Variants in LRBA observed in about 807,000 individuals in gnomAD.
The protein encoded by LRBA is lipopolysaccharide-responsive and beige-like anchor protein.
Under a neutral mutation model 330.0 loss-of-function variants are expected in LRBA, and 176 were observed. That is an observed-to-expected ratio of 0.53 (90% CI 0.47 to 0.60). The LOEUF is 0.60. LRBA is among the 20% of genes least tolerant of loss of function. LRBA has a pLI of 0.00. For missense variants in LRBA, 3,259 were observed against 3,444.8 expected, an observed-to-expected ratio of 0.95 and a Z score of 1.35; for synonymous variants, 1,230 against 1,193.0, an observed-to-expected ratio of 1.03 and a Z score of -0.64.
At chr4:150,684,114 T>C (rs559028821) in intron 36 of LRBA, among the ~76,000 whole-genome samples, 38 of 152,302 alleles carry the variant, frequency 2.5e-4, no homozygotes, top group African/African-American at 8.4e-4. Context: ...ATTTGTATTA[T>C]GGTAAGGAGT....
chr4:150,522,406 C>A (rs1309497283), intron 40 of LRBA, among the ~76,000 whole-genome samples: 1 of 152,084 alleles, frequency 6.6e-6, no homozygotes, highest in Non-Finnish European at 1.5e-5. Context: ...GGTAATGTGA[C>A]AATATTAGTA....
chr4:150,962,820 G>A (rs923746080), intron 2 of LRBA, among the ~76,000 whole-genome samples: 3 of 147,706 alleles, frequency 2.0e-5, no homozygotes, highest in Non-Finnish European at 4.4e-5. Context: ...CGGGCGTGGT[G>A]GCATGTGCCT....
At chr4:150,880,513 C>A (rs1192659115) in intron 17 of LRBA, among the ~76,000 whole-genome samples, 1 of 121,836 alleles carries the variant, frequency 8.2e-6, no homozygotes, top group Non-Finnish European at 1.9e-5. Flanking sequence ...GAGCAATACC[C>A]TGTCTCCAAA....
intron 37 of LRBA, among the ~76,000 whole-genome samples, chr4:150,646,181 A>G (rs938334157): frequency 5.2e-4 from 79 of 151,950 alleles, no homozygotes; most frequent in African/African-American, 1.9e-3. Context: ...TTCTGGCTAT[A>G]TTTTTATGGT....
intron 22 of LRBA, among the ~76,000 whole-genome samples, chr4:150,867,265 A>G (rs1752836193): frequency 6.6e-6 from 1 of 152,074 alleles, no homozygotes; most frequent in Admixed American, 6.6e-5. Context: ...ATAGTGCGCC[A>G]CCTTGTGTTC....
intron 36 of LRBA, among the ~76,000 whole-genome samples, chr4:150,731,069 T>C (rs548143606): frequency 6.6e-6 from 1 of 152,076 alleles, no homozygotes; most frequent in South Asian, 2.1e-4. Context: ...ATCACAGAAA[T>C]GCAAATCAAA....
chr4:150,382,209 T>C (rs1278839614), intron 47 of LRBA, among the ~76,000 whole-genome samples: 1 of 152,246 alleles, frequency 6.6e-6, no homozygotes, highest in Non-Finnish European at 1.5e-5. Context: ...TCACTACTTT[T>C]ATTTTTTACA....
At chr4:150,420,349 A>ACATTATAGTATAAAGTATATATAATG (rs1390765721) in intron 46 of LRBA, among the ~76,000 whole-genome samples, 2,103 of 59,942 alleles carry the variant, frequency 0.035, 133 homozygotes, top group African/African-American at 0.075. Context: ...TATATATAAT[A>ACATTATAGTATAAAGTATATATAATG]CACATTATAG....
intron 40 of LRBA, among the ~76,000 whole-genome samples, chr4:150,559,918 A>G (rs1432060871): frequency 1.4e-5 from 1 of 73,414 alleles, no homozygotes; most frequent in Non-Finnish European, 2.6e-5. Flanking sequence ...TATATAATAT[A>G]TAAATATAAA....
intron 39 of LRBA, 22 bp downstream of exon 39, chr4:150,590,691 T>C (rs375670175): frequency 1.2e-6 from 2 of 1,610,308 alleles, no homozygotes; most frequent in African/African-American, 1.3e-5. Flanking sequence ...AGCTGAAATA[T>C]CTGCACAACC....
Position 150,980,765 on chromosome 4 carries a change from G to C in LRBA, c.216+33662C>G, listed in dbSNP as rs551671390. Among the ~76,000 whole-genome samples the C allele has an allele frequency of 2.7e-4, 41 of 152,268 alleles. 2 individuals are homozygous for C. In the South Asian group the frequency reaches 8.1e-3, roughly 30 times the overall value. ...TAGAGAGTCCACCAAAAAACTATTA[G>C]AAGTGATTAATTCAGTAAAGTTGTA... On this transcript the variant is annotated intron_variant, in intron 2 of 56. Coordinates refer to ENST00000651943, the MANE Select transcript of LRBA (RefSeq NM_001364905.1).
intron 47 of LRBA, among the ~76,000 whole-genome samples, chr4:150,409,995 C>T (rs1373373691): frequency 6.6e-6 from 1 of 152,092 alleles, no homozygotes; most frequent in Admixed American, 6.6e-5. Context: ...CGGCTGTTTA[C>T]ATTCTTGGCC....
chr4:150,515,859 C>A (rs1165439511), intron 40 of LRBA, among the ~76,000 whole-genome samples: 1 of 151,758 alleles, frequency 6.6e-6, no homozygotes, highest in Non-Finnish European at 1.5e-5. Flanking sequence ...ACAAGAAAGG[C>A]AGAGAGGGAC....
At chr4:151,006,320 C>T (rs765692162) in intron 2 of LRBA, among the ~76,000 whole-genome samples, 7 of 151,616 alleles carry the variant, frequency 4.6e-5, no homozygotes, top group Non-Finnish European at 4.4e-5. Context: ...AGGGAGACTC[C>T]GTCTCAAAAA....
intron 39 of LRBA, among the ~76,000 whole-genome samples, chr4:150,588,612 G>C (rs930483174): frequency 2.6e-5 from 4 of 152,178 alleles, no homozygotes; most frequent in African/African-American, 9.7e-5. Context: ...TATGGTAGAG[G>C]CATGGCTACA....
At chr4:150,905,108 C>T (rs1731184117) in intron 13 of LRBA, among the ~76,000 whole-genome samples, 1 of 151,950 alleles carries the variant, frequency 6.6e-6, no homozygotes, top group Non-Finnish European at 1.5e-5. Context: ...TATTACAACA[C>T]TAGGATTTAT....
chr4:150,286,200 T>C (rs1748113710), intron 53 of LRBA, among the ~76,000 whole-genome samples, 166 bp from the exon 54 acceptor site: 1 of 152,204 alleles, frequency 6.6e-6, no homozygotes, highest in African/African-American at 2.4e-5. Flanking sequence ...TATAGTTTGA[T>C]TATGAGGGCC....
chr4:150,323,614 G>A (rs370891156), intron 49 of LRBA, among the ~76,000 whole-genome samples: 13 of 152,156 alleles, frequency 8.5e-5, no homozygotes, highest in South Asian at 2.1e-4. Context: ...CACTGCCTTC[G>A]TACAAATATC....
chr4:150,998,608 G>A (rs1413100616), intron 2 of LRBA, among the ~76,000 whole-genome samples: 3 of 151,964 alleles, frequency 2.0e-5, no homozygotes, highest in African/African-American at 7.3e-5. Flanking sequence ...TCCCACCTGA[G>A]CCTCCCAAAG....
Sources: gnomAD v4.1 joint callset for allele counts (sites outside exome capture counted in the v4.1 genomes callset) on GRCh38, gnomAD v4.1.1 for gene constraint, MANE v1.5 for transcripts, NCBI Gene and HGNC (gene_info 2026-07-23, HGNC 2026-07-21) for gene names.